The following ANO2 variants were observed in gnomAD, a reference collection of about 807,000 sequenced individuals.
ANO2 encodes anoctamin 2.
In ANO2, 101 loss-of-function variants were observed where a neutral mutation model predicts 124.2. The ratio of observed to expected loss-of-function variants is 0.81; its 90% CI spans 0.69 to 0.96. The LOEUF is 0.96. ANO2 is among the 40% of genes least tolerant of loss of function. The pLI, the probability that ANO2 is intolerant of heterozygous loss-of-function variation, is 0.00. For missense variants in ANO2, 1,293 were observed against 1,274.5 expected (o/e 1.01, Z -0.22); for synonymous variants, 486 against 482.5 (o/e 1.01, Z -0.09).
chr12:5,813,616 C>G (rs1953504583), intron 7 of ANO2, among the ~76,000 whole-genome samples: 1 of 152,212 alleles, frequency 6.6e-6, no homozygotes, highest in Non-Finnish European at 1.5e-5. Flanking sequence ...ACCAACTGCT[C>G]TGGATGCTCC....
At chr12:5,735,666 T>C (rs1406628587) in intron 13 of ANO2, among the ~76,000 whole-genome samples, 2 of 152,120 alleles carry the variant, frequency 1.3e-5, no homozygotes, top group Non-Finnish European at 2.9e-5. Context: ...ATGTTTTCAC[T>C]GAGACACAAA....
chr12:5,874,698 C>A (rs969853295), intron 3 of ANO2, among the ~76,000 whole-genome samples: 6 of 152,180 alleles, frequency 3.9e-5, no homozygotes, highest in South Asian at 2.1e-4. Flanking sequence ...AAAGCTCCCC[C>A]CAGCCAGATC....
chr12:5,714,880 C>A (rs1444175530), intron 14 of ANO2, among the ~76,000 whole-genome samples: 1 of 152,138 alleles, frequency 6.6e-6, no homozygotes, highest in Non-Finnish European at 1.5e-5. Flanking sequence ...AGAGCCCTAT[C>A]AGATTTGTTT....
At chr12:5,680,317 G>T (rs1414937593) in intron 14 of ANO2, among the ~76,000 whole-genome samples, 1 of 152,042 alleles carries the variant, frequency 6.6e-6, no homozygotes, top group Admixed American at 6.6e-5. Context: ...AAAAGAAAAA[G>T]AATCCACCTG....
intron 3 of ANO2, among the ~76,000 whole-genome samples, chr12:5,870,685 T>C (rs1232357369): frequency 6.6e-6 from 1 of 152,244 alleles, no homozygotes; most frequent in Non-Finnish European, 1.5e-5. Context: ...CTTCTTTCCT[T>C]AAAGGTCCCT....
intron 19 of ANO2, among the ~76,000 whole-genome samples, chr12:5,607,995 C>A (rs556024965): frequency 6.6e-6 from 1 of 152,090 alleles, no homozygotes; most frequent in South Asian, 2.1e-4. Context: ...CCCCGGTCCA[C>A]GGAAAAACTG....
At chr12:5,822,824 G>A (rs957166843) in intron 7 of ANO2, among the ~76,000 whole-genome samples, 1 of 152,172 alleles carries the variant, frequency 6.6e-6, no homozygotes, top group African/African-American at 2.4e-5. Context: ...GGAAGAAAAA[G>A]AGGTTTAATT....
chr12:5,927,487 A>C (rs1374625011), intron 1 of ANO2, among the ~76,000 whole-genome samples: 1 of 152,136 alleles, frequency 6.6e-6, no homozygotes, highest in Non-Finnish European at 1.5e-5. Flanking sequence ...AGTCTCCCCA[A>C]ACCAGTCCTT....
intron 13 of ANO2, 190 bp from the exon 14 acceptor site, chr12:5,732,820 A>G (rs189914060): frequency 7.4e-5 from 120 of 1,612,592 alleles, no homozygotes; most frequent in Admixed American, 5.7e-4. Context: ...AACGTGAGGA[A>G]GAGACAAGGG....
chr12:5,837,988 A>G (rs963958857), intron 4 of ANO2, among the ~76,000 whole-genome samples: 2 of 152,078 alleles, frequency 1.3e-5, no homozygotes, highest in African/African-American at 2.4e-5. Context: ...AGAAAAAAAG[A>G]GAGAAGAATC....
intron 14 of ANO2, among the ~76,000 whole-genome samples, chr12:5,716,969 G>C (rs2137046834): frequency 6.6e-6 from 1 of 152,364 alleles, no homozygotes; most frequent in South Asian, 2.1e-4. Context: ...AGAAAAGCAT[G>C]AATGTGGCAT....
At chr12:5,680,647 C>T (rs887037625) in intron 14 of ANO2, among the ~76,000 whole-genome samples, 8 of 152,116 alleles carry the variant, frequency 5.3e-5, no homozygotes, top group Non-Finnish European at 7.3e-5. Context: ...AATTCGACAT[C>T]CCTAGAAGTA....
intron 14 of ANO2, among the ~76,000 whole-genome samples, chr12:5,692,004 G>A (rs1948965220): frequency 6.6e-6 from 1 of 152,138 alleles, no homozygotes; most frequent in Non-Finnish European, 1.5e-5. Flanking sequence ...GGGCTATAAT[G>A]GGGAAAGTCT....
chr12:5,572,941 C>T (rs1323418244), intron 23 of ANO2, among the ~76,000 whole-genome samples: 1 of 152,112 alleles, frequency 6.6e-6, no homozygotes, highest in African/African-American at 2.4e-5. Flanking sequence ...AGCCTTATAG[C>T]TGGCCGGAAA....
At chr12:5,750,048 A>G (rs548054835) in intron 11 of ANO2, among the ~76,000 whole-genome samples, 1 of 151,740 alleles carries the variant, frequency 6.6e-6, no homozygotes, top group South Asian at 2.1e-4. Context: ...CTCCTGCCTC[A>G]GCCTCCCAAT....
chr12:5,770,717 T>C (rs957319142), intron 10 of ANO2, among the ~76,000 whole-genome samples: 33 of 152,174 alleles, frequency 2.2e-4, no homozygotes, highest in Non-Finnish European at 4.4e-5. Flanking sequence ...CTTCCTCTGC[T>C]CAGGATGATT....
At chr12:5,718,930 T>C (rs1383077447) in intron 14 of ANO2, among the ~76,000 whole-genome samples, 1 of 152,218 alleles carries the variant, frequency 6.6e-6, no homozygotes, top group African/African-American at 2.4e-5. Flanking sequence ...CTGGGCCACC[T>C]CCTACTGATG....
intron 14 of ANO2, among the ~76,000 whole-genome samples, chr12:5,665,076 C>T (rs1298214175): frequency 6.6e-6 from 1 of 152,148 alleles, no homozygotes; most frequent in Non-Finnish European, 1.5e-5. Flanking sequence ...ATAACCCAAC[C>T]CCTTGCATCT....
chr12:5,700,730 G>C (rs1253446072), intron 14 of ANO2, among the ~76,000 whole-genome samples: 1 of 152,102 alleles, frequency 6.6e-6, no homozygotes, highest in Non-Finnish European at 1.5e-5. Flanking sequence ...GAATCAAATA[G>C]AAGCAATAAA....
Sources: gnomAD v4.1 joint callset for allele counts (sites outside exome capture counted in the v4.1 genomes callset) on GRCh38, gnomAD v4.1.1 for gene constraint, MANE v1.5 for transcripts, NCBI Gene and HGNC (gene_info 2026-07-23, HGNC 2026-07-21) for gene names.